The following PCIF1 variants were observed in gnomAD, a reference collection of about 807,000 sequenced individuals.
PCIF1 encodes the protein phosphorylated CTD interacting factor 1, also known as mRNA (2'-O-methyladenosine-N(6)-)-methyltransferase.
A neutral mutation model predicts 86.9 loss-of-function variants in PCIF1; 12 were observed. The observed-to-expected ratio is 0.14, with a 90% CI of 0.09 to 0.22. The LOEUF (loss-of-function observed/expected upper bound fraction) is 0.22, where lower values mean the gene tolerates loss of function less well. PCIF1 is among the 10% of genes least tolerant of loss of function. PCIF1 has a pLI of 1.00. For missense variants in PCIF1, 701 were observed against 951.1 expected (o/e 0.74, Z 3.46); for synonymous variants, 397 against 372.0 (o/e 1.07, Z -0.77).
At chr20:45,945,124 C>G in intron 11 of PCIF1, 94 bp downstream of exon 11, 1 of 1,422,548 alleles carries the variant, frequency 7.0e-7, no homozygotes, top group Non-Finnish European at 9.4e-7. Context: ...AGGCCAGGGA[C>G]TGGTTTGGGG....
At position 45,941,179 on chromosome 20, in the gene PCIF1, C is replaced by T. The variant is rs759411624; in HGVS notation, c.645C>T (p.His215=). The T allele has an allele frequency of 1.7e-5, 28 of 1,610,910 alleles. No homozygotes were observed. Among genetic ancestry groups the T allele is most frequent in the East Asian group, 2.2e-5 (1 of 44,788 alleles). Residue 215 remains histidine (H), a synonymous_variant, in exon 7 of 17, where the codon CAC becomes CAT. Transcript: ENST00000372409. ...AGCTCATCCTGAAGCTTCGGCAGCACTATCGGGAGCTGTGCCAGCAGCGAG... is the reference window on the plus strand; with the variant it reads ...AGCTCATCCTGAAGCTTCGGCAGCATTATCGGGAGCTGTGCCAGCAGCGAG... The part of the protein sequence containing the change: ...RSQLILKLRQ[H]YRELCQQREG...
At position 45,946,024 on chromosome 20, in the gene PCIF1, C is replaced by T. The variant is rs370710653; in HGVS notation, c.1342-5C>T. On this transcript the variant is annotated splice_polypyrimidine_tract_variant and splice_region_variant and intron_variant, in intron 12 of 16. Coordinates refer to ENST00000372409, the MANE Select transcript of PCIF1 (RefSeq NM_022104.4). ...AAGGCTCCTCCTCTCTGTCCCGCTC[C>T]ACAGTGGCTCCTTTACCGCTACAGC... 6.2e-7 allele frequency: 1 copy of T among 1,614,172 alleles called. No homozygotes were observed.
chr20:45,934,967 G>A (rs1032036086), intron 1 of PCIF1, among the ~76,000 whole-genome samples, 163 bp downstream of exon 1: 2 of 152,070 alleles, frequency 1.3e-5, no homozygotes, highest in African/African-American at 2.4e-5. Context: ...CGGCCGCGCC[G>A]GTGGCCGAAG....
At position 45,945,013 on chromosome 20, in the gene PCIF1, A is replaced by G. The variant is rs1225779553; in HGVS notation, c.1151A>G (p.Lys384Arg). 1 of 1,612,272 alleles carries G rather than the reference A, an allele frequency of 6.2e-7. No individual in the cohort carries two copies. Among genetic ancestry groups the G allele is most frequent in the Admixed American group, 1.7e-5 (1 of 59,824 alleles). ...CGAGAGAAGCACCTTGCCATCCTCAAGGAAAACAACATCTCAGGTAGGGGA... is the reference window on the plus strand; with the variant it reads ...CGAGAGAAGCACCTTGCCATCCTCAGGGAAAACAACATCTCAGGTAGGGGA... ...RIREKHLAIL[K>R]ENNISEEVEA... Residue 384 changes from lysine to arginine, a missense_variant, in exon 11 of 17, where the codon AAG becomes AGG. Around this residue, in one of 7 missense-constraint regions of PCIF1, gnomAD observed 121 missense variants for 131.7 expected, o/e 0.92. Transcript: ENST00000372409.
chr20:45,944,399 C>T (rs190107568), intron 10 of PCIF1, among the ~76,000 whole-genome samples: 23 of 152,290 alleles, frequency 1.5e-4, no homozygotes, highest in Admixed American at 9.8e-4. Context: ...TTACAAATCC[C>T]GACAGTCATC....
At position 45,938,999 on chromosome 20, in the gene PCIF1, G is replaced by T. The variant is rs1265947078; in HGVS notation, c.-1G>T. 1.2e-6 allele frequency: 2 copies of T among 1,613,888 alleles called. No individual in the cohort carries two copies. The highest frequency in any genetic ancestry group is 1.7e-6 in the Non-Finnish European group (2 of 1,179,988). ...GTGGCAGGTCCTGTGTGGGTGTGGA[G>T]ATGGCCAATGAGAATCACGGCAGCC... On this transcript the variant is annotated 5_prime_UTR_variant, in exon 3 of 17. Coordinates refer to ENST00000372409, the MANE Select transcript of PCIF1 (RefSeq NM_022104.4).
chr20:45,940,870 C>T lies in PCIF1; in HGVS notation c.449C>T (p.Thr150Ile), dbSNP rs369147617. 6.2e-7 allele frequency: 1 copy of T among 1,614,174 alleles called. No homozygotes were observed. The highest frequency in any genetic ancestry group is 8.5e-7 in the Non-Finnish European group (1 of 1,180,016). The change falls in exon 6 of 17, where the codon ACC becomes ATC. Residue 150 changes from threonine to isoleucine, a missense_variant. By Grantham distance (89) the Thr-to-Ile change is moderately conservative. This residue lies in a region of PCIF1 where 125 missense variants were observed against 126.8 expected (regional missense o/e 0.99). Transcript: ENST00000372409. ...SVPSSPSIPG[T>I]PTLKMWGTSP... is the part of the protein sequence containing the mutation. ...CCCAGCTCCCCCAGTATCCCAGGAA[C>T]CCCAACGCTGAAGATGTGGGGTACG...
intron 4 of PCIF1, 110 bp downstream of exon 4, chr20:45,939,449 C>T: frequency 6.8e-7 from 1 of 1,475,092 alleles, no homozygotes; most frequent in Non-Finnish European, 9.2e-7. Context: ...CTGGCACCTG[C>T]AGATACAATG....
chr20:45,940,342 C>A, intron 4 of PCIF1, 133 bp from the exon 5 acceptor site: 1 of 1,177,334 alleles, frequency 8.5e-7, no homozygotes, highest in Non-Finnish European at 1.1e-6. Context: ...GCCCAGTGTT[C>A]TCTGCCTGTA....
At chr20:45,939,176 G>A (rs201068128) in intron 3 of PCIF1, 39 bp from the exon 4 acceptor site, 263 of 1,613,914 alleles carry the variant, frequency 1.6e-4, no homozygotes, top group Non-Finnish European at 2.0e-4. Context: ...CACCCTGGGA[G>A]CAGTCCTGAC....
At chr20:45,936,261 G>A (rs914599058) in intron 1 of PCIF1, among the ~76,000 whole-genome samples, 2 of 151,754 alleles carry the variant, frequency 1.3e-5, no homozygotes, top group African/African-American at 4.8e-5. Context: ...TGCAACCTCC[G>A]CCCCCTGGGT....
In PCIF1 at chr20:45,943,906, G is replaced by A. The variant is rs1192352222; in HGVS notation, c.1005+141G>A. 4 of 626,760 alleles carry A rather than the reference G, an allele frequency of 6.4e-6. No homozygotes were observed. The highest frequency in any genetic ancestry group is 1.8e-5 in the African/African-American group (1 of 54,614). The allele number at this position is 626,760 out of a possible 1,614,324, so 38.8% of individuals were successfully genotyped here. ...GCAGTATGGCAGACGTTCGACATTC[G>A]TCAGTCCCCAAACTCATGACTGTGG... On this transcript the variant is annotated intron_variant, in intron 10 of 16. Coordinates refer to ENST00000372409, the MANE Select transcript of PCIF1 (RefSeq NM_022104.4). This position sits in a 1 kb window ranked among gnomAD's most constrained non-coding sequence, Gnocchi z 5.5.
intron 1 of PCIF1, among the ~76,000 whole-genome samples, chr20:45,936,490 C>T (rs2083427547): frequency 6.6e-6 from 1 of 150,666 alleles, no homozygotes; most frequent in Non-Finnish European, 1.5e-5. Flanking sequence ...CGCCCGGCCT[C>T]TTTTATTTTT....
At chr20:45,937,878 TATG>T (rs1259012887) in intron 2 of PCIF1, 3 of 286,160 alleles carry the variant, frequency 1.0e-5, no homozygotes, top group Non-Finnish European at 1.9e-5. Context: ...CAATGATTCG[TATG>T]ATGTCATCAA....
intron 7 of PCIF1, among the ~76,000 whole-genome samples, chr20:45,941,868 T>A (rs772096254): frequency 2.6e-4 from 39 of 152,026 alleles, no homozygotes; most frequent in Non-Finnish European, 5.1e-4. Flanking sequence ...ATTACAGATG[T>A]GAGCCACCAT....
intron 1 of PCIF1, among the ~76,000 whole-genome samples, chr20:45,936,295 C>T (rs2083425119): frequency 6.6e-6 from 1 of 151,852 alleles, no homozygotes; most frequent in African/African-American, 2.4e-5. Flanking sequence ...CTGCCTCAGC[C>T]TCCCGAGTAG....
Position 45,945,034 on chromosome 20 carries a change from G to A in PCIF1, c.1168+4G>A. ...CTCAAGGAAAACAACATCTCAGGTA[G>A]GGGAAAGGTGAAGGAGGAGCCAGCT... On this transcript the variant is annotated splice_donor_region_variant and intron_variant, in intron 11 of 16. Transcript: ENST00000372409. 6.2e-7 allele frequency: 1 copy of A among 1,602,682 alleles called. No homozygotes were observed. The highest frequency in any genetic ancestry group is 8.5e-7 in the Non-Finnish European group (1 of 1,174,744).
intron 1 of PCIF1, among the ~76,000 whole-genome samples, chr20:45,936,478 C>T (rs953391580): frequency 1.3e-5 from 2 of 151,044 alleles, no homozygotes; most frequent in African/African-American, 4.9e-5. Context: ...CGTGAGCCAC[C>T]GCGCCCGGCC....
chr20:45,943,437 C>A lies in PCIF1; in HGVS notation c.905+14C>A. The A allele has an allele frequency of 6.2e-7, 1 of 1,610,042 alleles. No homozygotes were observed. The highest frequency in any genetic ancestry group is 8.5e-7 in the Non-Finnish European group (1 of 1,177,976). ...CATCGAGTCCAGGTTTGCCTGTCTTCTGCCCCAGGCGAGATGGGTCTGTGA... is the reference window on the plus strand; with the variant it reads ...CATCGAGTCCAGGTTTGCCTGTCTTATGCCCCAGGCGAGATGGGTCTGTGA... On this transcript the variant is annotated intron_variant, in intron 9 of 16. Coordinates refer to ENST00000372409, the MANE Select transcript of PCIF1 (RefSeq NM_022104.4). The surrounding 1 kb of genome is among the most constrained non-coding windows in gnomAD (Gnocchi z 5.5).
Sources: allele counts gnomAD v4.1 joint callset (sites outside exome capture counted in the v4.1 genomes callset), GRCh38; gene constraint gnomAD v4.1.1; regional missense constraint gnomAD v4.1.1; non-coding constraint Gnocchi (gnomAD v3.1); transcripts MANE v1.5; gene names NCBI Gene and HGNC (gene_info 2026-07-23, HGNC 2026-07-21).